LUZP2: variants seen among roughly 807,000 people sequenced by gnomAD.
The protein encoded by LUZP2 is leucine zipper protein 2.
LUZP2 carries 52 observed loss-of-function variants against 51.6 expected under a neutral mutation model. The ratio of observed to expected loss-of-function variants is 1.01; its 90% confidence interval spans 0.81 to 1.27. The LOEUF (loss-of-function observed/expected upper bound fraction) is 1.27. Among genes scored for constraint, LUZP2 ranks in the 50% most tolerant of loss-of-function variants. The pLI is 0.00. For synonymous variants in LUZP2, 154 were observed against 137.3 expected, an observed-to-expected ratio of 1.12 and a Z score of -0.85; for missense variants, 436 against 395.4, an observed-to-expected ratio of 1.10 and a Z score of -0.87.
At chr11:24,830,379 G>A (rs1037985577) in intron 5 of LUZP2, among the ~76,000 whole-genome samples, 6 of 106,628 alleles carry the variant, frequency 5.6e-5, no homozygotes, top group African/African-American at 8.6e-5. Flanking sequence ...ATATAAAATC[G>A]TATTGTCCAT....
rs1007688533 is a variant in LUZP2 at position 24,611,269 on chromosome 11, A to T, written c.62+113964A>T. Among the ~76,000 whole-genome samples, 4 of 152,108 alleles carry T rather than the reference A, an allele frequency of 2.6e-5. No homozygotes were observed. The East Asian group carries it at 7.7e-4, about 29-fold the overall frequency. On this transcript the variant is annotated intron_variant, in intron 1 of 11. Transcript: ENST00000336930. The surrounding 1 kb of genome is among the most constrained non-coding windows in gnomAD (Gnocchi z 4.6). Reference sequence around the variant, plus strand: ...CTATATTTGCCCTCAAGCAACTCAAAGCTTAAGGGAGCAAAATAATAACAA... The same window carrying T: ...CTATATTTGCCCTCAAGCAACTCAATGCTTAAGGGAGCAAAATAATAACAA...
chr11:25,044,223 GTGTGTA>G (rs1396942078), intron 9 of LUZP2, among the ~76,000 whole-genome samples: 1 of 94,306 alleles, frequency 1.1e-5, no homozygotes, highest in East Asian at 2.5e-4. Context: ...ATATATATGT[GTGTGTA>G]TGTGTATGTG....
chr11:24,893,592 T>C (rs1392447763), intron 5 of LUZP2, among the ~76,000 whole-genome samples: 6 of 152,184 alleles, frequency 3.9e-5, no homozygotes, highest in Non-Finnish European at 7.4e-5. Context: ...CTGCTTATCT[T>C]GTCTCCTAGT....
At chr11:24,732,606 T>A (rs1459250474) in intron 3 of LUZP2, among the ~76,000 whole-genome samples, 1 of 151,728 alleles carries the variant, frequency 6.6e-6, no homozygotes, top group East Asian at 1.9e-4. Context: ...AATGGAATTA[T>A]CTTACTAACA....
chr11:25,001,661 T>C (rs1010131531), intron 9 of LUZP2, among the ~76,000 whole-genome samples: 7 of 152,142 alleles, frequency 4.6e-5, no homozygotes, highest in African/African-American at 1.2e-4. Flanking sequence ...AGGAATAGGG[T>C]ACACTGTTTT....
chr11:24,771,818 A>C (rs1480137809), intron 5 of LUZP2, among the ~76,000 whole-genome samples: 1 of 152,092 alleles, frequency 6.6e-6, no homozygotes, highest in Admixed American at 6.6e-5. Flanking sequence ...GGTTTTATAA[A>C]TTAGAGTTAC....
chr11:24,690,395 G>C (rs553402031), intron 1 of LUZP2, among the ~76,000 whole-genome samples: 33 of 152,180 alleles, frequency 2.2e-4, no homozygotes, highest in African/African-American at 7.7e-4. Flanking sequence ...CATAGAAGGT[G>C]ATTTCCAGGG....
At chr11:24,614,589 A>AT (rs1854227956) in intron 1 of LUZP2, among the ~76,000 whole-genome samples, 1 of 151,844 alleles carries the variant, frequency 6.6e-6, no homozygotes, top group South Asian at 2.1e-4. Context: ...TGTTCTCTCT[A>AT]TTATAGCCAC....
intron 4 of LUZP2, among the ~76,000 whole-genome samples, chr11:24,753,132 T>C (rs915300596): frequency 3.3e-5 from 5 of 152,194 alleles, no homozygotes; most frequent in Non-Finnish European, 7.3e-5. Flanking sequence ...GTAGCTTCAG[T>C]ATTCATCAAG....
chr11:24,908,310 A>G (rs1853522993), intron 6 of LUZP2, among the ~76,000 whole-genome samples: 1 of 152,192 alleles, frequency 6.6e-6, no homozygotes, highest in Admixed American at 6.5e-5. Context: ...TTTATCAAAG[A>G]AATGCTGTTT....
At chr11:24,973,363 A>AGTT (rs200522358) in intron 7 of LUZP2, among the ~76,000 whole-genome samples, 6,191 of 15,946 alleles carry the variant, frequency 0.39, 524 homozygotes, top group African/African-American at 0.44. Context: ...TATATTTATT[A>AGTT]GTTTTTTTTT....
intron 5 of LUZP2, among the ~76,000 whole-genome samples, chr11:24,899,281 T>C (rs1205593669): frequency 1.3e-5 from 2 of 152,126 alleles, no homozygotes; most frequent in Non-Finnish European, 2.9e-5. Flanking sequence ...TTAGTAATTA[T>C]GTATGGCAGA....
At chr11:24,547,359 C>T (rs1851587344) in intron 1 of LUZP2, among the ~76,000 whole-genome samples, 1 of 151,952 alleles carries the variant, frequency 6.6e-6, no homozygotes, top group African/African-American at 2.4e-5. Context: ...GGTACTGGTG[C>T]AAAAACAGAC....
At chr11:24,623,426 C>T (rs1309899026) in intron 1 of LUZP2, among the ~76,000 whole-genome samples, 1 of 152,014 alleles carries the variant, frequency 6.6e-6, no homozygotes, top group East Asian at 1.9e-4. Context: ...GACACAGATT[C>T]ATATAGAAGT....
intron 1 of LUZP2, among the ~76,000 whole-genome samples, chr11:24,522,459 G>A (rs1290071602): frequency 6.6e-6 from 1 of 152,010 alleles, no homozygotes; most frequent in African/African-American, 2.4e-5. Context: ...GCATCCGTAA[G>A]CAAGTCTTGC....
intron 5 of LUZP2, among the ~76,000 whole-genome samples, chr11:24,793,159 G>C (rs962758746): frequency 1.3e-5 from 2 of 152,086 alleles, no homozygotes; most frequent in Non-Finnish European, 2.9e-5. Flanking sequence ...AACAGGTCAG[G>C]TTACCTTTTC....
rs892626616 is a variant in LUZP2, at chr11:24,870,084, T to G, written c.397-35907T>G. On this transcript the variant is annotated intron_variant, in intron 5 of 11. Transcript: ENST00000336930. Reference sequence around the variant, plus strand: ...ATAGAAGATCTAACCTGCCAAAACATTCCCTTAAGCCAAAGCCTGCTCTAA... The same window carrying G: ...ATAGAAGATCTAACCTGCCAAAACAGTCCCTTAAGCCAAAGCCTGCTCTAA... 1.3e-3 allele frequency among the ~76,000 whole-genome samples: 195 copies of G among 152,080 alleles called. 1 individual carries two copies. Among genetic ancestry groups the G allele is most frequent in the African/African-American group, 4.6e-3 (190 of 41,434 alleles).
chr11:24,764,596 C>A (rs1289352245), intron 5 of LUZP2, among the ~76,000 whole-genome samples: 1 of 151,192 alleles, frequency 6.6e-6, no homozygotes, highest in African/African-American at 2.4e-5. Flanking sequence ...CCTGAGAGGT[C>A]GAGGTTGCAG....
chr11:24,865,700 A>C (rs1181944316), intron 5 of LUZP2, among the ~76,000 whole-genome samples: 1 of 135,918 alleles, frequency 7.4e-6, no homozygotes, highest in Non-Finnish European at 1.6e-5. Context: ...TGTATATGTT[A>C]TATGTTTGTG....
Sources: gnomAD v4.1 joint callset for allele counts (sites outside exome capture counted in the v4.1 genomes callset) on GRCh38, gnomAD v4.1.1 for gene constraint, Gnocchi (gnomAD v3.1) non-coding constraint, MANE v1.5 for transcripts, NCBI Gene and HGNC (gene_info 2026-07-23, HGNC 2026-07-21) for gene names.